The following MGAM variants were observed in gnomAD, a reference collection of about 807,000 sequenced individuals.
MGAM encodes alpha-1,4-glucosidase.
Under a neutral mutation model 358.8 loss-of-function variants are expected in MGAM, and 253 were observed. The ratio of observed to expected loss-of-function variants is 0.71; its 90% CI spans 0.64 to 0.78. The LOEUF is 0.78. MGAM is among the 30% of genes least tolerant of loss of function. The probability of loss-of-function intolerance (pLI) is 0.00; values close to 1 mark genes in which losing one functional copy is unlikely to be tolerated. For missense variants in MGAM, 3,080 were observed against 3,432.6 expected (o/e 0.90, Z 2.57); for synonymous variants, 1,105 against 1,227.1 (o/e 0.90, Z 2.08).
intron 13 of MGAM, 56 bp from the exon 14 acceptor site, chr7:142,032,769 A>G (rs1338171131): frequency 9.5e-7 from 1 of 1,053,876 alleles, no homozygotes. Flanking sequence ...CACCATCACG[A>G]CATCATAAGA....
intron 18 of MGAM, among the ~76,000 whole-genome samples, chr7:142,037,913 C>CT (rs369593456): frequency 1.3e-5 from 2 of 152,168 alleles, no homozygotes; most frequent in African/African-American, 4.8e-5. Flanking sequence ...CAAGCACACT[C>CT]TTTAAGTTAC....
At chr7:142,032,743 A>G in intron 13 of MGAM, 82 bp from the exon 14 acceptor site, 2 of 788,328 alleles carry the variant, frequency 2.5e-6, no homozygotes, top group Non-Finnish European at 2.1e-6. Flanking sequence ...AATTTATCTG[A>G]TTAATTAAAA....
At chr7:142,029,125 C>G (rs1359560337) in intron 10 of MGAM, among the ~76,000 whole-genome samples, 1 of 152,058 alleles carries the variant, frequency 6.6e-6, no homozygotes, top group Non-Finnish European at 1.5e-5. Context: ...CCAAGGCAGG[C>G]AGATCACGAG....
intron 43 of MGAM, among the ~76,000 whole-genome samples, chr7:142,070,049 C>T (rs1365693939): frequency 2.1e-5 from 3 of 144,254 alleles, no homozygotes; most frequent in African/African-American, 7.4e-5. Flanking sequence ...AACAATTAGC[C>T]GGGTGTAGGG....
In MGAM at chr7:142,038,566, A is replaced by G. The variant is rs1808220146; in HGVS notation, c.2267A>G (p.Gln756Arg). The change falls in exon 19 of 71, where the codon CAA becomes CGA. Residue 756 changes from glutamine (Q) to arginine (R), a missense_variant. Gln to Arg is a conservative substitution (Grantham distance 43). This residue lies in a region of MGAM where 1,816 missense variants were observed against 1,840.5 expected (regional missense o/e 0.99). Coordinates refer to ENST00000475668, the MANE Select transcript of MGAM (RefSeq NM_001365693.1). ...GACAACAGCACTTGGGATGTGCACC[A>G]ACAGTTCTTATGGGGGCCCGGCCTC... is the stretch of plus-strand genomic sequence containing the variant. The part of the protein sequence containing the change: ...YEDNSTWDVH[Q>R]QFLWGPGLLI... The G allele has an allele frequency of 6.2e-7, 1 of 1,611,590 alleles. No homozygotes were observed.
In MGAM at chr7:142,008,563, C is replaced by T. The variant is rs541807685; in HGVS notation, c.185C>T (p.Pro62Leu). Residue 62 changes from proline (P) to leucine (L), a missense_variant, in exon 3 of 71, where the codon CCT becomes CTT. This residue lies in a region of MGAM where 1,816 missense variants were observed against 1,840.5 expected (regional missense o/e 0.99). Transcript: ENST00000475668. ...PDPGTTGTPD[P>L]GTTGTTHART... ...CCTGGGACAACTGGTACCCCAGATCCTGGAACAACTGGTACCACACATGCT... is the reference window on the plus strand; with the variant it reads ...CCTGGGACAACTGGTACCCCAGATCTTGGAACAACTGGTACCACACATGCT... 1.9e-6 allele frequency: 3 copies of T among 1,612,692 alleles called. No homozygotes were observed. Among genetic ancestry groups the T allele is most frequent in the South Asian group, 2.2e-5 (2 of 91,044 alleles).
intron 4 of MGAM, among the ~76,000 whole-genome samples, chr7:142,019,789 C>G (rs1554457757): frequency 6.6e-6 from 1 of 152,190 alleles, no homozygotes; most frequent in Non-Finnish European, 1.5e-5. Flanking sequence ...AAAGCATAGG[C>G]CAGGCACAGT....
chr7:142,077,955 C>G (rs1052723791), intron 47 of MGAM, among the ~76,000 whole-genome samples: 1 of 145,350 alleles, frequency 6.9e-6, no homozygotes, highest in Admixed American at 6.9e-5. Context: ...GAGATGACAC[C>G]ATGTGTCATG....
intron 7 of MGAM, among the ~76,000 whole-genome samples, chr7:142,024,056 C>T (rs1311937766): frequency 2.0e-5 from 3 of 151,942 alleles, no homozygotes; most frequent in Non-Finnish European, 4.4e-5. Context: ...GAAACCCTGT[C>T]TCTACTAAAA....
chr7:142,103,563 T>G (rs1410896797), intron 70 of MGAM, 124 bp downstream of exon 70: 1 of 984,128 alleles, frequency 1.0e-6, no homozygotes, highest in Admixed American at 3.5e-5. Context: ...CCCTGAGTTT[T>G]CCATGTGTTA....
At chr7:142,020,369 A>G (rs1429855175) in intron 4 of MGAM, among the ~76,000 whole-genome samples, 1 of 152,088 alleles carries the variant, frequency 6.6e-6, no homozygotes, top group Non-Finnish European at 1.5e-5. Flanking sequence ...TTAATACCGA[A>G]TGACTGATGG....
intron 44 of MGAM, among the ~76,000 whole-genome samples, 194 bp from the exon 45 acceptor site, chr7:142,073,891 G>A (rs1034760503): frequency 3.4e-5 from 5 of 146,014 alleles, no homozygotes; most frequent in African/African-American, 1.2e-4. Context: ...TTAATGTTTG[G>A]GGTGTTTCTA....
At position 142,041,969 on chromosome 7, in the gene MGAM, AT is replaced by A. The variant is rs1422274744; in HGVS notation, c.2498+1125del. ...ATATACATATATATAATATATATATATTATATATATATAATATAATATATAT... is the reference window on the plus strand; with the variant it reads ...ATATACATATATATAATATATATATATATATATATATAATATAATATATAT... On this transcript the variant is annotated intron_variant, in intron 21 of 70. Coordinates refer to ENST00000475668, the MANE Select transcript of MGAM (RefSeq NM_001365693.1). Among the ~76,000 whole-genome samples the A allele has an allele frequency of 5.0e-3, 107 of 21,218 alleles. 5 individuals carry two copies. Among genetic ancestry groups the A allele is most frequent in the Non-Finnish European group, 8.1e-3 (97 of 11,976 alleles). The allele number at this position is 21,218 out of a possible 152,430, so 13.9% of individuals were successfully genotyped here.
chr7:142,103,472 C>CTCCACCCT, intron 70 of MGAM, 33 bp downstream of exon 70: 1 of 1,552,784 alleles, frequency 6.4e-7, no homozygotes. Context: ...GAATGGTATT[C>CTCCACCCT]TCCACCCTTA....
chr7:142,074,520 A>G (rs187185067), intron 45 of MGAM, among the ~76,000 whole-genome samples: 1 of 144,270 alleles, frequency 6.9e-6, no homozygotes, highest in Admixed American at 6.9e-5. Flanking sequence ...TGTTGACGAT[A>G]TAAAAATCAT....
rs531006554 is a variant in MGAM at position 142,046,077 on chromosome 7, G to A, written c.2499-1708G>A. ...AATATGTAATATAATATATAATATA[G>A]AAATTTATATGTGTAATTATATATT... On this transcript the variant is annotated intron_variant, in intron 21 of 70. Transcript: ENST00000475668. 4.9e-4 allele frequency among the ~76,000 whole-genome samples: 38 copies of A among 77,866 alleles called. 2 individuals are homozygous for A. The South Asian group carries it at 0.015, about 31-fold the overall frequency. The allele number at this position is 77,866 out of a possible 152,430, so 51.1% of individuals were successfully genotyped here.
intron 37 of MGAM, among the ~76,000 whole-genome samples, chr7:142,064,850 A>G (rs1030922185): frequency 6.6e-6 from 1 of 152,130 alleles, no homozygotes; most frequent in African/African-American, 2.4e-5. Flanking sequence ...TGAAGGGAAC[A>G]CAGAGGACTG....
chr7:142,076,626 C>T, intron 46 of MGAM, 33 bp from the exon 47 acceptor site: 1 of 1,468,746 alleles, frequency 6.8e-7, no homozygotes, highest in Non-Finnish European at 9.4e-7. Context: ...ACAGGCATAC[C>T]TTTATGCATA....
chr7:142,044,361 TATATG>T (rs1430651371), intron 21 of MGAM, among the ~76,000 whole-genome samples: 1 of 85,438 alleles, frequency 1.2e-5, no homozygotes, highest in South Asian at 3.2e-4. Context: ...ACACATACGA[TATATG>T]ATATATAATG....
Sources: allele counts gnomAD v4.1 joint callset (sites outside exome capture counted in the v4.1 genomes callset), GRCh38; gene constraint gnomAD v4.1.1; regional missense constraint gnomAD v4.1.1; transcripts MANE v1.5; gene names NCBI Gene and HGNC (gene_info 2026-07-23, HGNC 2026-07-21).